Variants in CYFIP2 observed in about 807,000 individuals in gnomAD.
CYFIP2 encodes cytoplasmic FMR1-interacting protein 2.
A neutral mutation model predicts 158.7 loss-of-function variants in CYFIP2; 29 were observed. The observed-to-expected ratio is 0.18, with a 90% CI of 0.14 to 0.25. The LOEUF (loss-of-function observed/expected upper bound fraction) is 0.25. Among genes scored for constraint, CYFIP2 ranks in the 10% least tolerant of loss-of-function variants. CYFIP2 has a pLI of 1.00. For missense variants in CYFIP2, 852 were observed against 1,639.5 expected, an observed-to-expected ratio of 0.52 and a Z score of 8.29; for synonymous variants, 585 against 617.6, an observed-to-expected ratio of 0.95 and a Z score of 0.78.
intron 23 of CYFIP2, among the ~76,000 whole-genome samples, chr5:157,357,486 G>T (rs1427534144): frequency 2.0e-5 from 3 of 152,184 alleles, no homozygotes; most frequent in Non-Finnish European, 4.4e-5. Flanking sequence ...TAAATTGCAT[G>T]TTCCATGTAC....
intron 23 of CYFIP2, among the ~76,000 whole-genome samples, chr5:157,351,303 C>T (rs549095231): frequency 6.6e-6 from 1 of 152,344 alleles, no homozygotes; most frequent in Admixed American, 6.5e-5. Context: ...TTGGTCATAG[C>T]TTCATCCAGA....
At chr5:157,355,075 C>G (rs939903020) in intron 23 of CYFIP2, among the ~76,000 whole-genome samples, 5 of 152,104 alleles carry the variant, frequency 3.3e-5, no homozygotes, top group Admixed American at 2.0e-4. Context: ...TATAAGATAC[C>G]TGCAGTGAGG....
At chr5:157,289,037 A>C (rs1757618489) in intron 3 of CYFIP2, among the ~76,000 whole-genome samples, 2 of 152,186 alleles carry the variant, frequency 1.3e-5, no homozygotes, top group Non-Finnish European at 2.9e-5. Context: ...CAGCCCTGTG[A>C]CTTGCAAAGG....
At position 157,327,894 on chromosome 5, in the gene CYFIP2, C is replaced by T. The variant is rs1761152568; in HGVS notation, c.2080-79C>T. 3 of 1,372,754 alleles carry T rather than the reference C, an allele frequency of 2.2e-6. No homozygotes were observed. The African/African-American group carries it at 4.3e-5, about 20-fold the overall frequency. 85.0% of individuals were successfully genotyped at this position (1,372,754 alleles called of 1,614,324 possible). On this transcript the variant is annotated intron_variant, in intron 18 of 30. Coordinates refer to ENST00000620254, the MANE Select transcript of CYFIP2 (RefSeq NM_001037333.3). ...ATGCACTCTGGGCAATCCTGCCTGA[C>T]TGCTGTCTTTCAGTTGGCTCAGTTT...
chr5:157,270,321 G>T (rs1755984642), intron 1 of CYFIP2, among the ~76,000 whole-genome samples: 1 of 152,218 alleles, frequency 6.6e-6, no homozygotes, highest in African/African-American at 2.4e-5. Flanking sequence ...GAGGTCCTCT[G>T]CAGGAAATAA....
intron 28 of CYFIP2, among the ~76,000 whole-genome samples, chr5:157,385,763 G>A (rs891702268): frequency 6.6e-6 from 1 of 151,692 alleles, no homozygotes; most frequent in Non-Finnish European, 1.5e-5. Flanking sequence ...AAAACATTGA[G>A]GTTTTTGAGA....
At position 157,319,836 on chromosome 5, in the gene CYFIP2, C is replaced by T. The variant is rs1760445963; in HGVS notation, c.1431C>T (p.Asn477=). 1 of 1,614,020 alleles carries T rather than the reference C, an allele frequency of 6.2e-7. No individual in the cohort carries two copies. The highest frequency in any genetic ancestry group is 1.3e-5 in the African/African-American group (1 of 74,942). ...MESVFNQAIR[N]TIYAALQDFA... ...GCGTCTTCAACCAGGCCATCAGGAA[C>T]ACCATCTACGCGGCATTGCAGGACT... The change falls in exon 14 of 31, where the codon AAC becomes AAT. Residue 477 remains asparagine, a synonymous_variant. Transcript: ENST00000620254.
chr5:157,339,723 C>T (rs1370358134), intron 22 of CYFIP2, among the ~76,000 whole-genome samples: 3 of 152,164 alleles, frequency 2.0e-5, no homozygotes, highest in African/African-American at 7.2e-5. Context: ...ATGCAAACCT[C>T]AACGGAGGCT....
intron 20 of CYFIP2, 103 bp downstream of exon 20, chr5:157,330,953 C>A: frequency 1.2e-6 from 1 of 865,176 alleles, no homozygotes; most frequent in South Asian, 1.5e-5. Flanking sequence ...GTCTGCCCGG[C>A]ATGTTGCCAG....
At chr5:157,298,344 A>G (rs377412202) in intron 5 of CYFIP2, among the ~76,000 whole-genome samples, 1 of 151,736 alleles carries the variant, frequency 6.6e-6, no homozygotes, top group East Asian at 1.9e-4. Context: ...TTATTTATTT[A>G]TTTTTGAGAC....
intron 1 of CYFIP2, among the ~76,000 whole-genome samples, chr5:157,267,459 T>C (rs1755698391): frequency 6.6e-6 from 1 of 152,074 alleles, no homozygotes; most frequent in African/African-American, 2.4e-5. Flanking sequence ...CAGGTCCATA[T>C]CTTTGGGCAG....
chr5:157,389,525 G>T (rs958181995), intron 29 of CYFIP2, 98 bp downstream of exon 29: 30 of 1,166,370 alleles, frequency 2.6e-5, no homozygotes, highest in Admixed American at 1.3e-4. Context: ...TGGGCAGGGG[G>T]TGGGGGTGGT....
chr5:157,267,950 C>G (rs1334719825), intron 1 of CYFIP2, among the ~76,000 whole-genome samples: 1 of 152,226 alleles, frequency 6.6e-6, no homozygotes, highest in Admixed American at 6.5e-5. Context: ...CATGCATGTG[C>G]ATGCGTGCAT....
At position 157,294,839 on chromosome 5, in the gene CYFIP2, C is replaced by T. The variant is rs776592026; in HGVS notation, c.264C>T (p.Ser88=). Residue 88 remains serine (S), a synonymous_variant, in exon 4 of 31, where the codon AGC becomes AGT. Transcript: ENST00000620254. The part of the protein sequence containing the change: ...EYAVMLYTWR[S]CSRAIPQVKC... ...CGGTCATGCTGTACACCTGGCGCAG[C>T]TGTTCCCGGGCCATTCCCCAGGTGA... The T allele has an allele frequency of 1.9e-6, 3 of 1,613,654 alleles. No individual in the cohort carries two copies. Among genetic ancestry groups the T allele is most frequent in the South Asian group, 2.2e-5 (2 of 91,034 alleles).
chr5:157,393,104 A>G lies in CYFIP2; in HGVS notation c.*104A>G. The G allele has an allele frequency of 7.3e-7, 1 of 1,376,540 alleles. No individual in the cohort carries two copies. Among genetic ancestry groups the G allele is most frequent in the Non-Finnish European group, 9.8e-7 (1 of 1,019,764 alleles). 85.3% of individuals were successfully genotyped at this position (1,376,540 alleles called of 1,614,324 possible). ...TCCAACTGGACAACGTGTGGGATGG[A>G]CCTGGAAACAAGCACCTCCCCAAAC... On this transcript the variant is annotated 3_prime_UTR_variant, in exon 31 of 31. Transcript: ENST00000620254.
chr5:157,374,007 A>G (rs997687124), intron 26 of CYFIP2, among the ~76,000 whole-genome samples: 2 of 152,252 alleles, frequency 1.3e-5, no homozygotes, highest in Non-Finnish European at 2.9e-5. Context: ...TATTTGGTGC[A>G]TTCCCAGAAG....
intron 29 of CYFIP2, 52 bp from the exon 30 acceptor site, chr5:157,390,469 T>G: frequency 4.6e-5 from 25 of 542,960 alleles, no homozygotes; most frequent in Non-Finnish European, 7.9e-5. Context: ...CCTCCCTCCC[T>G]GCCCTCCTCC....
chr5:157,388,738 C>T (rs560278606), intron 28 of CYFIP2, among the ~76,000 whole-genome samples: 1 of 152,238 alleles, frequency 6.6e-6, no homozygotes, highest in African/African-American at 2.4e-5. Context: ...TTAGTTTCTT[C>T]GTCTGTAAAA....
At chr5:157,362,150 G>A (rs139741895) in intron 26 of CYFIP2, among the ~76,000 whole-genome samples, 2 of 152,328 alleles carry the variant, frequency 1.3e-5, no homozygotes, top group East Asian at 1.9e-4. Context: ...TTGCAATTGG[G>A]TAAGGAAGAG....
Sources: gnomAD v4.1 joint callset for allele counts (sites outside exome capture counted in the v4.1 genomes callset) on GRCh38, gnomAD v4.1.1 for gene constraint, MANE v1.5 for transcripts, NCBI Gene and HGNC (gene_info 2026-07-23, HGNC 2026-07-21) for gene names.